Variants in OCIAD1 observed in about 807,000 individuals in gnomAD.
The protein encoded by OCIAD1 is OCIA domain containing 1, also known as OCIA domain-containing protein 1.
In OCIAD1, 29 loss-of-function variants were observed where a neutral mutation model predicts 38.9. The observed-to-expected ratio is 0.74, with a 90% confidence interval of 0.55 to 1.02. The LOEUF is 1.02. Ranked by LOEUF, OCIAD1 falls within the 50% of genes least tolerant of loss-of-function variation. OCIAD1 has a pLI of 0.00. For missense variants in OCIAD1, 288 were observed against 289.6 expected (o/e 0.99, Z 0.04); for synonymous variants, 110 against 92.0 (o/e 1.20, Z -1.12).
intron 5 of OCIAD1, 141 bp downstream of exon 5, chr4:48,848,587 T>C: frequency 2.4e-6 from 1 of 410,972 alleles, no homozygotes; most frequent in Non-Finnish European, 4.3e-6. Flanking sequence ...AGCATTTCAT[T>C]AAGTGGATTA....
At chr4:48,832,744 C>A in intron 2 of OCIAD1, 62 bp downstream of exon 2, 3 of 1,254,284 alleles carry the variant, frequency 2.4e-6, no homozygotes, top group Non-Finnish European at 3.5e-6. Flanking sequence ...TTTTCACTGC[C>A]TTGAGTAACA....
chr4:48,819,187 C>G (rs562429176), intron 1 of OCIAD1, among the ~76,000 whole-genome samples: 18 of 152,188 alleles, frequency 1.2e-4, no homozygotes, highest in Non-Finnish European at 2.1e-4. Flanking sequence ...AAGGTCAGGT[C>G]ACCTACAAAG....
At chr4:48,809,097 A>G (rs2109485556) in intron 1 of OCIAD1, among the ~76,000 whole-genome samples, 1 of 152,336 alleles carries the variant, frequency 6.6e-6, no homozygotes, top group East Asian at 1.9e-4. Flanking sequence ...TAGTTAATAT[A>G]GCTGTTTTCC....
chr4:48,819,716 C>CAAA (rs576081813), intron 1 of OCIAD1, among the ~76,000 whole-genome samples: 3 of 10,456 alleles, frequency 2.9e-4, no homozygotes, highest in African/African-American at 1.0e-3. Flanking sequence ...TTACCAAGCG[C>CAAA]AAAAAAAAAA....
chr4:48,831,139 G>C lies in OCIAD1; in HGVS notation c.-116G>C. 3.6e-6 allele frequency: 1 copy of C among 276,364 alleles called. No individual in the cohort carries two copies. Among genetic ancestry groups the C allele is most frequent in the Non-Finnish European group, 7.2e-6 (1 of 138,068 alleles). 17.1% of individuals were successfully genotyped at this position (276,364 alleles called of 1,614,324 possible). ...GGCTGTTCTACCCCTCCCCCTCCCC[G>C]CGGTACCTTGCACTTTTCTCCCTCC... On this transcript the variant is annotated 5_prime_UTR_variant, in exon 1 of 9. Transcript: ENST00000264312.
intron 3 of OCIAD1, among the ~76,000 whole-genome samples, chr4:48,840,960 G>A (rs1206509187): frequency 2.0e-5 from 3 of 152,192 alleles, no homozygotes; most frequent in African/African-American, 7.2e-5. Flanking sequence ...AGGCTGCAGT[G>A]AGATGAGATT....
At chr4:48,853,636 G>A (rs898321269) in intron 7 of OCIAD1, among the ~76,000 whole-genome samples, 6 of 152,186 alleles carry the variant, frequency 3.9e-5, no homozygotes, top group African/African-American at 7.2e-5. Context: ...CAGAGTAGCC[G>A]CTAGCCATAT....
chr4:48,843,628 A>G (rs1778722392), intron 4 of OCIAD1, among the ~76,000 whole-genome samples: 1 of 152,216 alleles, frequency 6.6e-6, no homozygotes, highest in Non-Finnish European at 1.5e-5. Flanking sequence ...TCTTAAACAT[A>G]GAAGCGAGTC....
intron 3 of OCIAD1, 119 bp downstream of exon 3, chr4:48,833,600 A>G (rs775631166): frequency 1.7e-5 from 11 of 631,486 alleles, no homozygotes; most frequent in Non-Finnish European, 2.8e-5. Context: ...AACTTTTTGC[A>G]TAGTGTGGTT....
intron 3 of OCIAD1, among the ~76,000 whole-genome samples, chr4:48,834,246 A>G (rs1777779280): frequency 6.6e-6 from 1 of 152,160 alleles, no homozygotes. Flanking sequence ...ATCTCAGCTC[A>G]CTGCAACTTC....
chr4:48,845,768 A>G (rs997783203), intron 4 of OCIAD1, among the ~76,000 whole-genome samples: 7 of 152,346 alleles, frequency 4.6e-5, no homozygotes, highest in South Asian at 2.1e-4. Flanking sequence ...AAACTGGGAC[A>G]TTATCCTTCA....
intron 7 of OCIAD1, chr4:48,852,223 A>C (rs544630186): frequency 5.4e-6 from 2 of 369,364 alleles, no homozygotes; most frequent in East Asian, 8.6e-5. Context: ...AAAAACTTTC[A>C]GTCTGTTAGA....
At chr4:48,844,883 T>C (rs1778845804) in intron 4 of OCIAD1, among the ~76,000 whole-genome samples, 1 of 152,252 alleles carries the variant, frequency 6.6e-6, no homozygotes, top group Non-Finnish European at 1.5e-5. Context: ...ATGTAAACAC[T>C]ATGTAAATAG....
upstream of OCIAD1, among the ~76,000 whole-genome samples, chr4:48,828,044 T>C (rs1415871298): frequency 1.3e-5 from 2 of 152,176 alleles, no homozygotes; most frequent in Non-Finnish European, 2.9e-5. Context: ...TTTGTCTACC[T>C]AAAGGTTTGT....
At chr4:48,807,989 A>G (rs1342598115) in intron 1 of OCIAD1, among the ~76,000 whole-genome samples, 1 of 152,200 alleles carries the variant, frequency 6.6e-6, no homozygotes, top group East Asian at 1.9e-4. Context: ...TTCTCAAAAT[A>G]AGAGGTGGAT....
At chr4:48,812,282 CAAAAAAAAAAAA>C (rs397881494) in intron 1 of OCIAD1, among the ~76,000 whole-genome samples, 304 of 25,032 alleles carry the variant, frequency 0.012, 2 homozygotes, top group Non-Finnish European at 0.015. Flanking sequence ...GAGTTGGTCT[CAAAAAAAAAAAA>C]AAAAAAAAAA....
In OCIAD1 at chr4:48,861,360, T is replaced by TATAATATGGCA. The variant is rs1579132395; in HGVS notation, c.*608_*609insAATAATATGGC. 1 of 152,172 alleles carries TATAATATGGCA rather than the reference T, an allele frequency of 6.6e-6. No homozygotes were observed. The highest frequency in any genetic ancestry group is 2.4e-5 in the African/African-American group (1 of 41,420). The allele number at this position is 152,172 out of a possible 1,614,324, so 9.4% of individuals were successfully genotyped here. On this transcript the variant is annotated 3_prime_UTR_variant, in exon 9 of 9. Coordinates refer to ENST00000264312, the MANE Select transcript of OCIAD1 (RefSeq NM_017830.4). ...GAAATAAAGTCATCTATAATATTTC[T>TATAATATGGCA]ATAATATGGCTATAATATGGCTATA...
At chr4:48,805,612 A>C (rs148443315) in intron 1 of OCIAD1, among the ~76,000 whole-genome samples, 1,859 of 151,814 alleles carry the variant, frequency 0.012, 13 homozygotes, top group Non-Finnish European at 0.02. Flanking sequence ...TGAGCCTGGT[A>C]GTTCAAGACT....
chr4:48,858,921 G>C (rs183155838), intron 8 of OCIAD1, among the ~76,000 whole-genome samples: 1 of 152,126 alleles, frequency 6.6e-6, no homozygotes, highest in Non-Finnish European at 1.5e-5. Flanking sequence ...GAGGACATTC[G>C]AATAGGGTTT....
Sources: gnomAD v4.1 joint callset for allele counts (sites outside exome capture counted in the v4.1 genomes callset) on GRCh38, gnomAD v4.1.1 for gene constraint, MANE v1.5 for transcripts, NCBI Gene and HGNC (gene_info 2026-07-23, HGNC 2026-07-21) for gene names.